ROBO2: variants seen among roughly 807,000 people sequenced by gnomAD.
ROBO2 encodes roundabout homolog 2.
A neutral mutation model predicts 160.8 loss-of-function variants in ROBO2; 53 were observed. That is an observed-to-expected ratio of 0.33 (90% CI 0.26 to 0.41). The LOEUF is 0.41. ROBO2 is among the 10% of genes least tolerant of loss of function. The pLI, the probability that ROBO2 is intolerant of heterozygous loss-of-function variation, is 1.00. For missense variants in ROBO2, 1,577 were observed against 1,722.4 expected, an observed-to-expected ratio of 0.92 and a Z score of 1.49; for synonymous variants, 664 against 611.7, an observed-to-expected ratio of 1.09 and a Z score of -1.26.
chr3:76,828,499 C>G (rs2066778708), intron 2 of ROBO2, among the ~76,000 whole-genome samples: 2 of 152,208 alleles, frequency 1.3e-5, no homozygotes, highest in East Asian at 3.9e-4. Flanking sequence ...AGAGTGAATG[C>G]TCTGTAAAAT....
At chr3:75,989,318 G>C (rs150903632) in intron 2 of ROBO2, among the ~76,000 whole-genome samples, 1 of 151,890 alleles carries the variant, frequency 6.6e-6, no homozygotes, top group African/African-American at 2.4e-5. Context: ...AAGTTTCACC[G>C]TGTTGGCCAG....
intron 2 of ROBO2, among the ~76,000 whole-genome samples, chr3:77,420,352 A>G (rs770482624): frequency 6.6e-6 from 1 of 152,056 alleles, no homozygotes; most frequent in Non-Finnish European, 1.5e-5. Flanking sequence ...TGCATATGGT[A>G]TATATGGTCG....
chr3:76,285,101 T>G (rs1708442822), intron 2 of ROBO2, among the ~76,000 whole-genome samples: 1 of 152,158 alleles, frequency 6.6e-6, no homozygotes, highest in African/African-American at 2.4e-5. Flanking sequence ...TTGACTGCTG[T>G]GGGACGAGAA....
At chr3:76,443,780 G>A (rs1286709251) in intron 2 of ROBO2, among the ~76,000 whole-genome samples, 1 of 152,052 alleles carries the variant, frequency 6.6e-6, no homozygotes, top group Non-Finnish European at 1.5e-5. Flanking sequence ...TGTAGCTTAT[G>A]AATCTTTAAT....
intron 2 of ROBO2, among the ~76,000 whole-genome samples, chr3:77,440,778 T>G (rs2079836968): frequency 6.6e-6 from 1 of 152,142 alleles, no homozygotes; most frequent in East Asian, 1.9e-4. Flanking sequence ...TTTGAAATTG[T>G]TCAATTTTTG....
chr3:77,458,618 A>T (rs901791839), intron 2 of ROBO2, among the ~76,000 whole-genome samples: 2 of 151,900 alleles, frequency 1.3e-5, no homozygotes, highest in Admixed American at 6.6e-5. Context: ...AAAAAAAGGC[A>T]ATTGTACAGA....
intron 2 of ROBO2, among the ~76,000 whole-genome samples, chr3:77,306,804 G>A (rs2324723): frequency 0.31 from 46,839 of 152,024 alleles, 8,672 homozygotes; most frequent in Middle Eastern, 0.46. Context: ...TAGAATGGCT[G>A]CAGTGAACTG....
At chr3:76,580,340 GTGTT>G (rs2085601057) in intron 2 of ROBO2, among the ~76,000 whole-genome samples, 1 of 40,918 alleles carries the variant, frequency 2.4e-5, no homozygotes, top group African/African-American at 8.3e-5. Context: ...TTTTTTTTTT[GTGTT>G]TTTTTTTTTG....
intron 2 of ROBO2, among the ~76,000 whole-genome samples, chr3:76,950,103 A>G (rs994499892): frequency 5.9e-5 from 9 of 152,142 alleles, no homozygotes; most frequent in Admixed American, 4.6e-4. Context: ...GAACCCTGGG[A>G]TGCAGTTCAC....
At chr3:77,230,450 A>G (rs2087034700) in intron 2 of ROBO2, among the ~76,000 whole-genome samples, 1 of 152,190 alleles carries the variant, frequency 6.6e-6, no homozygotes, top group Admixed American at 6.5e-5. Flanking sequence ...TTCAAACGTA[A>G]CATTAACCTA....
At chr3:76,209,985 G>T (rs969759791) in intron 2 of ROBO2, among the ~76,000 whole-genome samples, 1 of 151,958 alleles carries the variant, frequency 6.6e-6, no homozygotes, top group Non-Finnish European at 1.5e-5. Context: ...AAACATTCAG[G>T]CCCAGAACTT....
intron 2 of ROBO2, among the ~76,000 whole-genome samples, chr3:76,120,143 A>G (rs1381514234): frequency 6.6e-6 from 1 of 151,850 alleles, no homozygotes; most frequent in Non-Finnish European, 1.5e-5. Context: ...CTGAGATTCC[A>G]GGCATGCACC....
At chr3:77,303,483 C>T (rs1235587057) in intron 2 of ROBO2, among the ~76,000 whole-genome samples, 1 of 152,112 alleles carries the variant, frequency 6.6e-6, no homozygotes, top group Non-Finnish European at 1.5e-5. Flanking sequence ...AAAATGTATA[C>T]ATTTATTCAA....
chr3:76,468,749 C>G (rs546597317), intron 2 of ROBO2, among the ~76,000 whole-genome samples: 12 of 152,174 alleles, frequency 7.9e-5, no homozygotes, highest in African/African-American at 2.9e-4. Context: ...CCTCTCTCTT[C>G]AGGATATATA....
At chr3:76,839,655 T>G (rs1230413881) in intron 2 of ROBO2, among the ~76,000 whole-genome samples, 1 of 152,224 alleles carries the variant, frequency 6.6e-6, no homozygotes, top group African/African-American at 2.4e-5. Context: ...TGTCTGGTTA[T>G]GGTATCAGGG....
intron 2 of ROBO2, among the ~76,000 whole-genome samples, chr3:76,929,715 C>T (rs1212537087): frequency 2.0e-5 from 3 of 146,918 alleles, no homozygotes; most frequent in Non-Finnish European, 4.5e-5. Context: ...GAAGAGACTC[C>T]AGTGTCTGTG....
chr3:76,105,255 A>G (rs1469623608), intron 2 of ROBO2, among the ~76,000 whole-genome samples: 1 of 152,140 alleles, frequency 6.6e-6, no homozygotes, highest in Non-Finnish European at 1.5e-5. Flanking sequence ...ACCCAAATTG[A>G]CAGCGCTCTG....
In ROBO2 at chr3:75,965,339, C is replaced by G. The variant is rs115588966; in HGVS notation, c.109+27737C>G. ...ATGTAGGTTGGCTATTTTCCCCGCA[C>G]TTTAGTGACTGATCACTGTTTCTTT... On this transcript the variant is annotated intron_variant, in intron 2 of 26. Coordinates refer to the ROBO2 transcript ENST00000487694. Among the ~76,000 whole-genome samples the G allele has an allele frequency of 5.6e-3, 376 of 67,016 alleles. 3 individuals carry two copies. The highest frequency in any genetic ancestry group is 0.015 in the African/African-American group (358 of 23,902). The allele number at this position is 67,016 out of a possible 152,430, so 44.0% of individuals were successfully genotyped here.
chr3:76,792,926 A>G (rs1211170749), intron 2 of ROBO2, among the ~76,000 whole-genome samples: 1 of 151,856 alleles, frequency 6.6e-6, no homozygotes, highest in Non-Finnish European at 1.5e-5. Flanking sequence ...TATATATTTG[A>G]GAATGTATAC....
Sources: gnomAD v4.1 joint callset for allele counts (sites outside exome capture counted in the v4.1 genomes callset) on GRCh38, gnomAD v4.1.1 for gene constraint, MANE v1.5 for transcripts, NCBI Gene and HGNC (gene_info 2026-07-23, HGNC 2026-07-21) for gene names.